Variants in HHAT observed in about 807,000 individuals in gnomAD.
HHAT encodes the protein hedgehog acyltransferase.
A neutral mutation model predicts 70.8 loss-of-function variants in HHAT; 47 were observed. The observed-to-expected ratio is 0.66, with a 90% CI of 0.53 to 0.85. HHAT has a LOEUF of 0.85. Among genes scored for constraint, HHAT ranks in the 40% least tolerant of loss-of-function variants. The probability of loss-of-function intolerance (pLI) is 0.00; values close to 1 mark genes in which losing one functional copy is unlikely to be tolerated. For synonymous variants in HHAT, 228 were observed against 247.6 expected (o/e 0.92, Z 0.74); for missense variants, 609 against 604.8 (o/e 1.01, Z -0.07).
At chr1:210,447,144 T>A (rs892675685) in intron 7 of HHAT, among the ~76,000 whole-genome samples, 1 of 152,164 alleles carries the variant, frequency 6.6e-6, no homozygotes, top group Admixed American at 6.5e-5. Context: ...TTCTGTGACG[T>A]TGGGAAAACC....
chr1:210,588,458 A>G (rs1035302079), intron 10 of HHAT: 5 of 179,904 alleles, frequency 2.8e-5, no homozygotes, highest in Non-Finnish European at 5.9e-5. Flanking sequence ...AACAAATGCT[A>G]TTACAGAGAG....
At chr1:210,473,364 C>G (rs1056624637) in intron 8 of HHAT, among the ~76,000 whole-genome samples, 1 of 152,140 alleles carries the variant, frequency 6.6e-6, no homozygotes, top group African/African-American at 2.4e-5. Flanking sequence ...TGTTCAACCC[C>G]TTCTTCCCAT....
chr1:210,408,951 T>A (rs2092432578), intron 6 of HHAT, among the ~76,000 whole-genome samples: 1 of 152,216 alleles, frequency 6.6e-6, no homozygotes, highest in South Asian at 2.1e-4. Flanking sequence ...AGCTTTGGCC[T>A]CCCGAGCTCA....
intron 11 of HHAT, among the ~76,000 whole-genome samples, chr1:210,665,934 T>C (rs1281460561): frequency 6.6e-6 from 1 of 152,250 alleles, no homozygotes; most frequent in Non-Finnish European, 1.5e-5. Flanking sequence ...AAGAATTAAC[T>C]AAGATTGTGT....
In HHAT at chr1:210,463,753, C is replaced by T. The variant is rs375643616; in HGVS notation, c.857-752C>T. On this transcript the variant is annotated intron_variant, in intron 7 of 11. Transcript: ENST00000261458. ...AGACTGTTTTCCAAAGCAGCTGCCT[C>T]GCTCTACACTCTCAGCAGCTGTGCC... is the stretch of plus-strand genomic sequence containing the variant. 1.7e-4 allele frequency among the ~76,000 whole-genome samples: 19 copies of T among 113,824 alleles called. No individual in the cohort carries two copies. In the East Asian group the frequency reaches 3.5e-3, roughly 21 times the overall value. The allele number at this position is 113,824 out of a possible 152,430, so 74.7% of individuals were successfully genotyped here.
chr1:210,407,826 G>A (rs1157791238), intron 6 of HHAT, among the ~76,000 whole-genome samples: 3 of 152,164 alleles, frequency 2.0e-5, no homozygotes, highest in Non-Finnish European at 4.4e-5. Flanking sequence ...ACTACGTCTT[G>A]AAGAGGTTGA....
At chr1:210,411,869 C>G (rs1039873049) in intron 6 of HHAT, among the ~76,000 whole-genome samples, 3 of 152,216 alleles carry the variant, frequency 2.0e-5, no homozygotes, top group Non-Finnish European at 4.4e-5. Flanking sequence ...GTGAACTCCT[C>G]TAGCCTCTAC....
chr1:210,572,587 A>G (rs780463136), intron 9 of HHAT, among the ~76,000 whole-genome samples: 5 of 152,124 alleles, frequency 3.3e-5, no homozygotes, highest in Admixed American at 6.5e-5. Flanking sequence ...GATTCATCTC[A>G]GGCTTCCTAC....
chr1:210,425,858 T>A (rs182518309), intron 7 of HHAT, among the ~76,000 whole-genome samples: 34 of 152,218 alleles, frequency 2.2e-4, no homozygotes, highest in Non-Finnish European at 3.2e-4. Context: ...TTTAAAATAA[T>A]TTTTTTCTAG....
chr1:210,425,058 G>A (rs1328655722), intron 7 of HHAT, among the ~76,000 whole-genome samples: 1 of 152,140 alleles, frequency 6.6e-6, no homozygotes, highest in Non-Finnish European at 1.5e-5. Flanking sequence ...GTATGAGATA[G>A]GATCTCATTG....
chr1:210,450,286 G>A lies in HHAT; in HGVS notation c.857-14219G>A, dbSNP rs569853219. On this transcript the variant is annotated intron_variant, in intron 7 of 11. Coordinates refer to ENST00000261458, the MANE Select transcript of HHAT (RefSeq NM_018194.6). ...AGCCTGGGCGACAGAGCAAGACTGCGTCTCAGGTGGGGGGGGTGGGAAACA... is the reference window on the plus strand; with the variant it reads ...AGCCTGGGCGACAGAGCAAGACTGCATCTCAGGTGGGGGGGGTGGGAAACA... 8.8e-5 allele frequency among the ~76,000 whole-genome samples: 9 copies of A among 102,632 alleles called. No homozygotes were observed. The East Asian group carries it at 1.1e-3, about 13-fold the overall frequency. The allele number at this position is 102,632 out of a possible 152,430, so 67.3% of individuals were successfully genotyped here. A position where few individuals can be genotyped will look rare whatever the true frequency, so the allele number is the denominator to read the frequency against.
chr1:210,405,539 CCACGCATACG>C lies in HHAT; in HGVS notation c.684+864_684+873del, dbSNP rs533057621. ...ATGCATGCACACGCAGAACACATAC[CCACGCATACG>C]CACACACCTGGAAGGGCAGGGCAAG... On this transcript the variant is annotated intron_variant, in intron 6 of 11. Coordinates refer to ENST00000261458, the MANE Select transcript of HHAT (RefSeq NM_018194.6). 2.9e-3 allele frequency among the ~76,000 whole-genome samples: 445 copies of C among 152,194 alleles called. 1 individual carries two copies. The highest frequency in any genetic ancestry group is 4.7e-3 in the Non-Finnish European group (320 of 68,020).
chr1:210,505,963 G>C (rs2094845795), intron 8 of HHAT, among the ~76,000 whole-genome samples: 1 of 152,166 alleles, frequency 6.6e-6, no homozygotes, highest in Admixed American at 6.5e-5. Context: ...GTACCCCAAA[G>C]GGCAGGCAGC....
At chr1:210,624,351 A>G (rs770088204) in intron 11 of HHAT, among the ~76,000 whole-genome samples, 2 of 152,322 alleles carry the variant, frequency 1.3e-5, no homozygotes, top group African/African-American at 2.4e-5. Context: ...TAAATTATAC[A>G]GTTTTAGATA....
At chr1:210,475,628 G>A (rs76032789) in intron 8 of HHAT, among the ~76,000 whole-genome samples, 2,068 of 152,238 alleles carry the variant, frequency 0.014, 54 homozygotes, top group African/African-American at 0.047. Flanking sequence ...TCTTCCCATG[G>A]TTCACTGTGT....
chr1:210,422,790 C>T (rs2092945383), intron 7 of HHAT, among the ~76,000 whole-genome samples: 1 of 152,182 alleles, frequency 6.6e-6, no homozygotes, highest in South Asian at 2.1e-4. Flanking sequence ...GTGCCCACCA[C>T]CACACCTGGT....
chr1:210,415,457 T>C (rs988210323), intron 6 of HHAT, among the ~76,000 whole-genome samples: 7 of 152,188 alleles, frequency 4.6e-5, no homozygotes, highest in Admixed American at 3.3e-4. Flanking sequence ...GTCTGATCAA[T>C]ACAAGTCTGC....
chr1:210,537,330 A>G (rs1438222306), intron 9 of HHAT, among the ~76,000 whole-genome samples: 1 of 152,178 alleles, frequency 6.6e-6, no homozygotes, highest in Non-Finnish European at 1.5e-5. Context: ...TCAGAAACAT[A>G]GTCTGTTGCA....
At chr1:210,333,283 C>G (rs1175034262) in intron 1 of HHAT, among the ~76,000 whole-genome samples, 1 of 152,088 alleles carries the variant, frequency 6.6e-6, no homozygotes, top group Non-Finnish European at 1.5e-5. Context: ...CAGCCACTCC[C>G]CAGTGCTAGC....
Sources: allele counts gnomAD v4.1 joint callset (sites outside exome capture counted in the v4.1 genomes callset), GRCh38; gene constraint gnomAD v4.1.1; transcripts MANE v1.5; gene names NCBI Gene and HGNC (gene_info 2026-07-23, HGNC 2026-07-21).